The following NDOR1 variants were observed in gnomAD, a reference collection of about 807,000 sequenced individuals.
NDOR1 encodes the protein NADPH dependent diflavin oxidoreductase 1.
A neutral mutation model predicts 67.2 loss-of-function variants in NDOR1; 61 were observed. The ratio of observed to expected loss-of-function variants is 0.91; its 90% CI spans 0.74 to 1.12. The LOEUF (loss-of-function observed/expected upper bound fraction) is 1.12. Ranked by LOEUF, NDOR1 falls within the 50% of genes most tolerant of loss-of-function variation. The pLI is 0.00. For missense variants in NDOR1, 878 were observed against 802.8 expected, an observed-to-expected ratio of 1.09 and a Z score of -1.13; for synonymous variants, 378 against 343.7, an observed-to-expected ratio of 1.10 and a Z score of -1.10.
chr9:137,216,329 G>C lies in NDOR1; in HGVS notation c.1707G>C (p.Glu569Asp). Residue 569 changes from glutamate to aspartate, a missense_variant, in exon 14 of 14, where the codon GAG becomes GAC. Physicochemically the swap from Glu to Asp is conservative, Grantham distance 45. Transcript: ENST00000684003. Reference protein sequence around the residue: ...VSEALMSIFQEEGGLCSPDAA... With the variant: ...VSEALMSIFQDEGGLCSPDAA... ...AAGCCCTGATGTCCATCTTCCAGGA[G>C]GAGGGTGGACTCTGCAGCCCGGACG... is the stretch of plus-strand genomic sequence containing the variant. 1.2e-6 allele frequency: 2 copies of C among 1,611,518 alleles called. No individual in the cohort carries two copies. The highest frequency in any genetic ancestry group is 1.7e-5 in the Admixed American group (1 of 60,032).
Position 137,205,762 on chromosome 9 carries a change from C to A in NDOR1, c.-16C>A. On this transcript the variant is annotated 5_prime_UTR_variant, in exon 1 of 14. Transcript: ENST00000684003. ...TCTAGTTTTTAGTCTCAGACCAGACCACCGGGCGCACCCCGATGCCGAGCC... is the reference window on the plus strand; with the variant it reads ...TCTAGTTTTTAGTCTCAGACCAGACAACCGGGCGCACCCCGATGCCGAGCC... The A allele has an allele frequency of 6.2e-7, 1 of 1,602,288 alleles. No individual in the cohort carries two copies. Among genetic ancestry groups the A allele is most frequent in the East Asian group, 2.2e-5 (1 of 44,870 alleles).
At position 137,214,377 on chromosome 9, in the gene NDOR1, G is replaced by C; in HGVS notation, c.686G>C (p.Arg229Pro). 6.2e-7 allele frequency: 1 copy of C among 1,614,164 alleles called. No homozygotes were observed. The change falls in exon 6 of 14, where the codon CGG becomes CCG. Residue 229 changes from arginine (R) to proline (P), a missense_variant. Arg to Pro is a moderately radical substitution (Grantham distance 103). Coordinates refer to ENST00000684003, the MANE Select transcript of NDOR1 (RefSeq NM_014434.4). Reference sequence around the variant, plus strand: ...GGCCCCTCCCACTTCCAGGACGTTCGGCTGATTGAGTTTGACATCTTGGGC... The same window carrying C: ...GGCCCCTCCCACTTCCAGGACGTTCCGCTGATTGAGTTTGACATCTTGGGC... Reference protein sequence around the residue: ...VTGPSHFQDVRLIEFDILGSG... With the variant: ...VTGPSHFQDVPLIEFDILGSG...
rs570169859 is a variant in NDOR1, at chr9:137,212,016, C to T, written c.214-486C>T. 6.6e-6 allele frequency among the ~76,000 whole-genome samples: 1 copy of T among 152,066 alleles called. No homozygotes were observed. Among genetic ancestry groups the T allele is most frequent in the East Asian group, 1.9e-4 (1 of 5,188 alleles). Reference sequence around the variant, plus strand: ...CAGCGACACTGGAACCTCAGAGGGCCGAGTGTGAGAGCCCTTGGGATGGAC... The same window carrying T: ...CAGCGACACTGGAACCTCAGAGGGCTGAGTGTGAGAGCCCTTGGGATGGAC... On this transcript the variant is annotated intron_variant, in intron 2 of 13. Transcript: ENST00000684003. The surrounding 1 kb of genome is among the most constrained non-coding windows in gnomAD (Gnocchi z 4.3).
Position 137,214,339 on chromosome 9 carries a change from C to G in NDOR1, c.648C>G (p.Asn216Lys), listed in dbSNP as rs1423540101. 2.5e-6 allele frequency: 4 copies of G among 1,614,034 alleles called. No homozygotes were observed. In the African/African-American group the frequency reaches 5.3e-5, roughly 22 times the overall value. The change falls in exon 6 of 14, where the codon AAC (asparagine) becomes AAG (lysine). Residue 216 changes from asparagine (N) to lysine (K), a missense_variant. By Grantham distance (94) the Asn-to-Lys change is moderately conservative (BLOSUM62 0). Transcript: ENST00000684003. ...SKPFLAPMISNQRVTGPSHFQ... is the reference protein window; with the variant it reads ...SKPFLAPMISKQRVTGPSHFQ... ...CCTTCCTAGCACCCATGATCTCCAA[C>G]CAGAGAGTCACCGGCCCCTCCCACT...
Position 137,215,086 on chromosome 9 carries a change from T to A in NDOR1, c.1066-9T>A, listed in dbSNP as rs1835483915. On this transcript the variant is annotated splice_polypyrimidine_tract_variant and intron_variant, in intron 8 of 13. Transcript: ENST00000684003. ...ACGCTGCAGCCACCCTGAGACTCTCTTTGCCTAGGTGCTCTGTGACTTCCC... is the reference window on the plus strand; with the variant it reads ...ACGCTGCAGCCACCCTGAGACTCTCATTGCCTAGGTGCTCTGTGACTTCCC... The A allele has an allele frequency of 6.2e-7, 1 of 1,613,426 alleles. No individual in the cohort carries two copies. Among genetic ancestry groups the A allele is most frequent in the Non-Finnish European group, 8.5e-7 (1 of 1,179,918 alleles).
rs1170626143 is a variant in NDOR1 at position 137,214,915 on chromosome 9, C to T, written c.962C>T (p.Ser321Phe). Reference protein sequence around the residue: ...RSFFELLACLSLHELEREKLL... With the variant: ...RSFFELLACLFLHELEREKLL... ...TTCTTCGAACTCCTGGCCTGTCTAT[C>T]CCTCCATGAGCTGGAGCGGGAGAAG... The change falls in exon 8 of 14, where the codon TCC becomes TTC. Residue 321 changes from serine (S) to phenylalanine (F), a missense_variant. Ser to Phe is a radical substitution (Grantham distance 155, BLOSUM62 -2). Transcript: ENST00000684003. The T allele has an allele frequency of 6.8e-6, 11 of 1,613,114 alleles. No individual in the cohort carries two copies. The highest frequency in any genetic ancestry group is 8.5e-6 in the Non-Finnish European group (10 of 1,180,042).
Position 137,216,181 on chromosome 9 carries a change from C to A in NDOR1, c.1642C>A (p.Leu548Met), listed in dbSNP as rs781087650. Residue 548 changes from leucine to methionine, a missense_variant, in exon 13 of 14, where the codon CTG becomes ATG. Physicochemically the swap from Leu to Met is conservative, Grantham distance 15. Transcript: ENST00000684003. Reference sequence around the variant, plus strand: ...GGACCGCCAGGGTGCATACTTCTACCTGGCAGGGTGAGCTGGCCTGCGTGC... The same window carrying A: ...GGACCGCCAGGGTGCATACTTCTACATGGCAGGGTGAGCTGGCCTGCGTGC... ...LLDRQGAYFYLAGNAKSMPAD... is the reference protein window; with the variant it reads ...LLDRQGAYFYMAGNAKSMPAD... 6 of 1,613,478 alleles carry A rather than the reference C, an allele frequency of 3.7e-6. No individual in the cohort carries two copies. The South Asian group carries it at 4.4e-5, about 12-fold the overall frequency.
At position 137,216,008 on chromosome 9, in the gene NDOR1, C is replaced by T. The variant is rs151243461; in HGVS notation, c.1545C>T (p.Ser515=). The change falls in exon 12 of 14, where the codon TCC becomes TCT. Residue 515 remains serine, a synonymous_variant. Coordinates refer to ENST00000684003, the MANE Select transcript of NDOR1 (RefSeq NM_014434.4). ...RDCLTLIPAF[S]REQEQKVYVQ... ...GTCTGACCCTCATCCCTGCCTTCTC[C>T]CGGGAACAGGTGTGTATGCTCAGGG... The T allele has an allele frequency of 1.2e-6, 2 of 1,613,386 alleles. No individual in the cohort carries two copies. Among genetic ancestry groups the T allele is most frequent in the Non-Finnish European group, 1.7e-6 (2 of 1,180,022 alleles).
chr9:137,206,918 C>T (rs966240695), intron 2 of NDOR1, among the ~76,000 whole-genome samples: 1 of 151,954 alleles, frequency 6.6e-6, no homozygotes, highest in African/African-American at 2.4e-5. Context: ...AGTCAGGCAC[C>T]GAGGAAGAAG....
chr9:137,209,558 G>A (rs1174740497), intron 2 of NDOR1, among the ~76,000 whole-genome samples: 1 of 152,166 alleles, frequency 6.6e-6, no homozygotes, highest in Non-Finnish European at 1.5e-5. Context: ...GCGGGAACTG[G>A]GAGCTCCTTG....
intron 2 of NDOR1, among the ~76,000 whole-genome samples, chr9:137,206,962 T>G (rs1190837903): frequency 6.6e-6 from 1 of 151,752 alleles, no homozygotes; most frequent in Non-Finnish European, 1.5e-5. Flanking sequence ...GATGATTTGG[T>G]TTGTGTGAAA....
Position 137,216,488 on chromosome 9 carries a change from T to C in NDOR1, c.*72T>C. The C allele has an allele frequency of 6.5e-7, 1 of 1,532,912 alleles. No individual in the cohort carries two copies. The highest frequency in any genetic ancestry group is 8.7e-7 in the Non-Finnish European group (1 of 1,144,868). The allele number at this position is 1,532,912 out of a possible 1,614,324, so 95.0% of individuals were successfully genotyped here. On this transcript the variant is annotated 3_prime_UTR_variant, in exon 14 of 14. Transcript: ENST00000684003. ...CCCAGGAAGGCATCCACGAGGGAGC[T>C]CCTGGCCAGCAGCCGTCATCCTCTC...
rs751901968 is a variant in NDOR1 at position 137,218,555 on chromosome 9, C to G, written c.*2139C>G. ...GCTGCTGCTGGTCTTCACGCCGCTC[C>G]TGCTGCTGGGACTGCTCTTCGTGCT... On this transcript the variant is annotated 3_prime_UTR_variant, in exon 14 of 14. Transcript: ENST00000684003. 2 of 399,794 alleles carry G rather than the reference C, an allele frequency of 5.0e-6. No individual in the cohort carries two copies. The highest frequency in any genetic ancestry group is 3.6e-5 in the East Asian group (1 of 28,132). The allele number at this position is 399,794 out of a possible 1,614,324, so 24.8% of individuals were successfully genotyped here. A position where few individuals can be genotyped will look rare whatever the true frequency, so the allele number is the denominator to read the frequency against.
chr9:137,216,157 G>T lies in NDOR1; in HGVS notation c.1618G>T (p.Asp540Tyr), dbSNP rs752290701. The change falls in exon 13 of 14, where the codon GAC (aspartate) becomes TAC (tyrosine). Residue 540 changes from aspartate (D) to tyrosine (Y), a missense_variant. By Grantham distance (160) the Asp-to-Tyr change is radical. Transcript: ENST00000684003. ...ELGSLVWELLDRQGAYFYLAG... is the reference protein window; with the variant it reads ...ELGSLVWELLYRQGAYFYLAG... Reference sequence around the variant, plus strand: ...GGGGTCGCTTGTGTGGGAACTGCTGGACCGCCAGGGTGCATACTTCTACCT... The same window carrying T: ...GGGGTCGCTTGTGTGGGAACTGCTGTACCGCCAGGGTGCATACTTCTACCT... The T allele has an allele frequency of 3.1e-6, 5 of 1,613,586 alleles. No homozygotes were observed. Among genetic ancestry groups the T allele is most frequent in the Non-Finnish European group, 4.2e-6 (5 of 1,180,018 alleles).
At chr9:137,210,342 C>A (rs1319319408) in intron 2 of NDOR1, among the ~76,000 whole-genome samples, 1 of 152,164 alleles carries the variant, frequency 6.6e-6, no homozygotes, top group Non-Finnish European at 1.5e-5. Flanking sequence ...CCCACCTCAG[C>A]CTCCTGGGTA....
rs997109046 is a variant in NDOR1, at chr9:137,218,215, G to A, written c.*1799G>A. 3.0e-5 allele frequency: 12 copies of A among 398,284 alleles called. No individual in the cohort carries two copies. The highest frequency in any genetic ancestry group is 2.1e-4 in the African/African-American group (10 of 48,602). The allele number at this position is 398,284 out of a possible 1,614,324, so 24.7% of individuals were successfully genotyped here. On this transcript the variant is annotated 3_prime_UTR_variant, in exon 14 of 14. Transcript: ENST00000684003. The stretch of plus-strand genomic sequence containing the variant: ...CCGACCTGGGCCGGGTGCGCTGCCC[G>A]CTGTGCCGCCAGAAGACGCCCGTGC...
chr9:137,206,630 C>A (rs1254711603), intron 2 of NDOR1, among the ~76,000 whole-genome samples: 1 of 152,218 alleles, frequency 6.6e-6, no homozygotes, highest in South Asian at 2.1e-4. Context: ...CTCTGACCAT[C>A]TTTTAAGCAC....
rs140457258 is a variant in NDOR1 at position 137,215,477 on chromosome 9, G to A, written c.1244G>A (p.Arg415Gln). Residue 415 changes from arginine (R) to glutamine (Q), a missense_variant, in exon 10 of 14, where the codon CGG becomes CAG. Transcript: ENST00000684003. ...QFQTRLKEPR[R>Q]GLCSSWLASL... is the part of the protein sequence containing the mutation. ...CAGACTCGCCTCAAGGAGCCCCGCC[G>A]GGGCCTCTGCTCCTCCTGGCTGGCA... The A allele has an allele frequency of 1.3e-4, 205 of 1,612,052 alleles. No homozygotes were observed. The highest frequency in any genetic ancestry group is 2.0e-4 in the Admixed American group (12 of 59,954).
chr9:137,212,301 C>T lies in NDOR1; in HGVS notation c.214-201C>T, dbSNP rs545987428. On this transcript the variant is annotated intron_variant, in intron 2 of 13. Transcript: ENST00000684003. The surrounding 1 kb of genome is among the most constrained non-coding windows in gnomAD (Gnocchi z 4.3). ...CAGGGTGGGACCTGGTCTCCCTAGACGCTGGACCAGCCCTGCCTCCTCCCG... is the reference window on the plus strand; with the variant it reads ...CAGGGTGGGACCTGGTCTCCCTAGATGCTGGACCAGCCCTGCCTCCTCCCG... 2.6e-5 allele frequency among the ~76,000 whole-genome samples: 4 copies of T among 152,208 alleles called. No homozygotes were observed. Among genetic ancestry groups the T allele is most frequent in the South Asian group, 2.1e-4 (1 of 4,822 alleles).
Sources: allele counts gnomAD v4.1 joint callset (sites outside exome capture counted in the v4.1 genomes callset), GRCh38; gene constraint gnomAD v4.1.1; non-coding constraint Gnocchi (gnomAD v3.1); transcripts MANE v1.5; gene names NCBI Gene and HGNC (gene_info 2026-07-23, HGNC 2026-07-21).